CLYBL: variants seen among roughly 807,000 people sequenced by gnomAD.
The protein encoded by CLYBL is citramalyl-CoA lyase.
Under a neutral mutation model 38.9 loss-of-function variants are expected in CLYBL, and 31 were observed. The observed-to-expected ratio is 0.80, with a 90% CI of 0.60 to 1.08. CLYBL has a LOEUF of 1.08. Ranked by LOEUF, CLYBL falls within the 50% of genes least tolerant of loss-of-function variation. The pLI is 0.00. For missense variants in CLYBL, 434 were observed against 411.6 expected, an observed-to-expected ratio of 1.05 and a Z score of -0.47; for synonymous variants, 171 against 158.6, an observed-to-expected ratio of 1.08 and a Z score of -0.59.
chr13:99,877,739 A>G (rs2052087690), intron 7 of CLYBL: 1 of 240,444 alleles, frequency 4.2e-6, no homozygotes, highest in Non-Finnish European at 8.2e-6. Context: ...ATGCCTGGCT[A>G]ATTTTTGTAT....
At chr13:99,693,340 A>G (rs760016656) in intron 1 of CLYBL, among the ~76,000 whole-genome samples, 17 of 152,184 alleles carry the variant, frequency 1.1e-4, no homozygotes, top group Non-Finnish European at 1.6e-4. Context: ...AAACTGACCA[A>G]TGCAACATCC....
At chr13:99,811,531 G>A (rs978689746) in intron 2 of CLYBL, among the ~76,000 whole-genome samples, 6 of 152,214 alleles carry the variant, frequency 3.9e-5, no homozygotes, top group Non-Finnish European at 8.8e-5. Context: ...CATCTGATGA[G>A]AAGGAGGAAG....
intron 2 of CLYBL, among the ~76,000 whole-genome samples, chr13:99,847,695 C>T (rs191960375): frequency 5.8e-4 from 89 of 152,338 alleles, no homozygotes; most frequent in Middle Eastern, 3.4e-3. Context: ...CCAAAGACAA[C>T]ATTGAGTAGC....
chr13:99,715,199 G>C (rs1194835817), intron 1 of CLYBL, among the ~76,000 whole-genome samples: 2 of 152,186 alleles, frequency 1.3e-5, no homozygotes, highest in East Asian at 3.9e-4. Flanking sequence ...AAGGCTAGGA[G>C]GCAACTGGGG....
chr13:99,758,302 C>T (rs1356894379), intron 1 of CLYBL, among the ~76,000 whole-genome samples: 2 of 152,094 alleles, frequency 1.3e-5, no homozygotes, highest in Non-Finnish European at 2.9e-5. Flanking sequence ...AAAAACAAGG[C>T]CAGGTGGGGG....
intron 1 of CLYBL, among the ~76,000 whole-genome samples, chr13:99,674,630 C>T (rs1414774733): frequency 6.6e-6 from 1 of 152,120 alleles, no homozygotes; most frequent in Non-Finnish European, 1.5e-5. Flanking sequence ...CCACGAAGAC[C>T]TCAGCCCAAG....
chr13:99,800,793 G>A (rs995246497), intron 2 of CLYBL, among the ~76,000 whole-genome samples: 6 of 151,472 alleles, frequency 4.0e-5, no homozygotes, highest in Admixed American at 3.9e-4. Flanking sequence ...AGAATCGCGT[G>A]AGCCCAGGAG....
chr13:99,830,513 T>C (rs2050784455), intron 2 of CLYBL, among the ~76,000 whole-genome samples: 2 of 152,196 alleles, frequency 1.3e-5, no homozygotes, highest in African/African-American at 4.8e-5. Flanking sequence ...CCCAGGAATG[T>C]TGCAGAGAGG....
intron 1 of CLYBL, among the ~76,000 whole-genome samples, chr13:99,643,802 T>C (rs1443863619): frequency 6.6e-6 from 1 of 151,986 alleles, no homozygotes; most frequent in African/African-American, 2.4e-5. Flanking sequence ...GGTCAGGAGT[T>C]GCAGACCAGC....
intron 1 of CLYBL, among the ~76,000 whole-genome samples, chr13:99,745,293 G>A (rs2048829430): frequency 6.6e-6 from 1 of 151,984 alleles, no homozygotes; most frequent in South Asian, 2.1e-4. Flanking sequence ...TATTCTTTTT[G>A]TATTTACAAG....
intron 1 of CLYBL, among the ~76,000 whole-genome samples, chr13:99,770,878 C>T (rs558373800): frequency 7.9e-5 from 12 of 151,916 alleles, no homozygotes; most frequent in Admixed American, 2.6e-4. Context: ...TGTGCCACCA[C>T]ACCCAGCTAA....
chr13:99,857,223 G>A (rs1023026958), intron 2 of CLYBL, among the ~76,000 whole-genome samples: 1 of 151,992 alleles, frequency 6.6e-6, no homozygotes, highest in Non-Finnish European at 1.5e-5. Context: ...GCTGAGGCAG[G>A]AGAATCACTT....
intron 1 of CLYBL, among the ~76,000 whole-genome samples, chr13:99,670,005 C>A (rs920736105): frequency 2.0e-5 from 3 of 148,866 alleles, no homozygotes; most frequent in Non-Finnish European, 4.4e-5. Flanking sequence ...CCAGCCTGGC[C>A]AACATAGTGA....
At chr13:99,660,788 TA>T (rs2047397601) in intron 1 of CLYBL, among the ~76,000 whole-genome samples, 1 of 152,228 alleles carries the variant, frequency 6.6e-6, no homozygotes, top group African/African-American at 2.4e-5. Flanking sequence ...GAGTATTGAA[TA>T]ATTGTTTCTT....
At chr13:99,802,809 C>T (rs920797156) in intron 2 of CLYBL, among the ~76,000 whole-genome samples, 1 of 152,306 alleles carries the variant, frequency 6.6e-6, no homozygotes, top group Middle Eastern at 3.4e-3. Flanking sequence ...TCCAGGACTA[C>T]TCAGACTCAG....
chr13:99,758,074 A>G (rs1184874052), intron 1 of CLYBL, among the ~76,000 whole-genome samples: 1 of 152,222 alleles, frequency 6.6e-6, no homozygotes, highest in Admixed American at 6.5e-5. Flanking sequence ...CTTAAGTGGC[A>G]AGGACCTAGA....
Position 99,809,840 on chromosome 13 carries a change from C to T in CLYBL, c.249+36830C>T, listed in dbSNP as rs2050306232. ...AACTCGGGAAGACATGCCAGTCTGCCAGTGAGAGAGCCTGAAGGAACTTCA... is the reference window on the plus strand; with the variant it reads ...AACTCGGGAAGACATGCCAGTCTGCTAGTGAGAGAGCCTGAAGGAACTTCA... On this transcript the variant is annotated intron_variant, in intron 2 of 8. Coordinates refer to ENST00000339105, the MANE Select transcript of CLYBL (RefSeq NM_206808.5). Among the ~76,000 whole-genome samples, 3 of 152,262 alleles carry T rather than the reference C, an allele frequency of 2.0e-5. No homozygotes were observed. The South Asian group carries it at 6.2e-4, about 32-fold the overall frequency.
At chr13:99,898,531 C>T (rs147877825), downstream of CLYBL, among the ~76,000 whole-genome samples, 228 of 152,268 alleles carry the variant, frequency 1.5e-3, no homozygotes, top group African/African-American at 5.3e-3. Context: ...GGAATTCGTG[C>T]GGTGGCTCTC....
rs771880623 is a variant in CLYBL at position 99,865,525 on chromosome 13, C to A, written c.634+614C>A. 5.3e-5 allele frequency among the ~76,000 whole-genome samples: 8 copies of A among 152,204 alleles called. No homozygotes were observed. Among genetic ancestry groups the A allele is most frequent in the Non-Finnish European group, 8.8e-5 (6 of 68,030 alleles). ...GCATTTAGAAAAGAGGCCGAGGCCA[C>A]AGAAACCAGCCCCAGTGACCTGAAG... On this transcript the variant is annotated intron_variant, in intron 5 of 8. Transcript: ENST00000339105. The surrounding 1 kb of genome is among the most constrained non-coding windows in gnomAD (Gnocchi z 4.7).
Sources: allele counts gnomAD v4.1 joint callset (sites outside exome capture counted in the v4.1 genomes callset), GRCh38; gene constraint gnomAD v4.1.1; non-coding constraint Gnocchi (gnomAD v3.1); transcripts MANE v1.5; gene names NCBI Gene and HGNC (gene_info 2026-07-23, HGNC 2026-07-21).